CMTR2: variants seen among roughly 807,000 people sequenced by gnomAD.
CMTR2 encodes the protein cap methyltransferase 2, also known as cap-specific mRNA (nucleoside-2'-O-)-methyltransferase 2.
CMTR2 carries 40 observed loss-of-function variants against 49.8 expected under a neutral mutation model. That is an observed-to-expected ratio of 0.80 (90% CI 0.62 to 1.04). The LOEUF (loss-of-function observed/expected upper bound fraction) is 1.04. Among genes scored for constraint, CMTR2 ranks in the 50% least tolerant of loss-of-function variants. The pLI is 0.00. For missense variants in CMTR2, 907 were observed against 897.2 expected (o/e 1.01, Z -0.14); for synonymous variants, 326 against 315.8 (o/e 1.03, Z -0.34).
rs1403676196 is a variant in CMTR2, at chr16:71,283,980, T to G, written c.1941A>C (p.Val647=). The G allele has an allele frequency of 1.2e-6, 2 of 1,614,034 alleles. No individual in the cohort carries two copies. The highest frequency in any genetic ancestry group is 1.7e-6 in the Non-Finnish European group (2 of 1,179,910). ...CCATAAATCTTGTGAAGCAAGAAAG[T>G]ACAGGCAAAATCATAACATCTCCTG... ...LHTGDVMILP[V]LSCFTRFMAG... is the part of the protein sequence containing the mutation. Residue 647 remains valine (V), a synonymous_variant, in exon 3 of 3, where the codon GTA becomes GTC. Coordinates refer to ENST00000434935, the MANE Select transcript of CMTR2 (RefSeq NM_018348.6).
chr16:71,284,591 A>C lies in CMTR2; in HGVS notation c.1330T>G (p.Tyr444Asp), dbSNP rs1378325378. The change falls in exon 3 of 3, where the codon TAT (tyrosine) becomes GAT (aspartate). Residue 444 changes from tyrosine (Y) to aspartate (D), a missense_variant. Transcript: ENST00000434935. Reference sequence around the variant, plus strand: ...GCTTCTAGCATCTTCCTTTCATTATAAGTTTTAAAATATTTGTTCCTCTGC... The same window carrying C: ...GCTTCTAGCATCTTCCTTTCATTATCAGTTTTAAAATATTTGTTCCTCTGC... ...FGQRNKYFKT[Y>D]NERKMLEALS... 2 of 1,613,680 alleles carry C rather than the reference A, an allele frequency of 1.2e-6. No individual in the cohort carries two copies. The highest frequency in any genetic ancestry group is 3.3e-5 in the Admixed American group (2 of 59,968).
Position 71,285,577 on chromosome 16 carries a change from C to G in CMTR2, c.344G>C (p.Trp115Ser). 2.5e-6 allele frequency: 4 copies of G among 1,614,050 alleles called. No individual in the cohort carries two copies. The highest frequency in any genetic ancestry group is 3.4e-6 in the Non-Finnish European group (4 of 1,179,988). ...SVNAELCTQA[W>S]CKFHEILCSF... ...GCACAAAATCTCATGGAACTTACACCATGCTTGAGTACAAAGTTCAGCATT... is the reference window on the plus strand; with the variant it reads ...GCACAAAATCTCATGGAACTTACACGATGCTTGAGTACAAAGTTCAGCATT... Residue 115 changes from tryptophan (W) to serine (S), a missense_variant, in exon 3 of 3, where the codon TGG becomes TCG. By Grantham distance (177) the Trp-to-Ser change is radical (BLOSUM62 -3). Coordinates refer to ENST00000434935, the MANE Select transcript of CMTR2 (RefSeq NM_018348.6).
At position 71,284,031 on chromosome 16, in the gene CMTR2, A is replaced by C; in HGVS notation, c.1890T>G (p.Leu630=). The C allele has an allele frequency of 1.2e-6, 2 of 1,614,086 alleles. No homozygotes were observed. The highest frequency in any genetic ancestry group is 1.7e-6 in the Non-Finnish European group (2 of 1,179,924). The change falls in exon 3 of 3, where the codon CTT becomes CTG. Residue 630 remains leucine, a synonymous_variant. Coordinates refer to ENST00000434935, the MANE Select transcript of CMTR2 (RefSeq NM_018348.6). Reference sequence around the variant, plus strand: ...TATGAAGCTCCCGCAATGAATGTAGAAGGCAGTCCAAAAATAAACGCTGGT... The same window carrying C: ...TATGAAGCTCCCGCAATGAATGTAGCAGGCAGTCCAAAAATAAACGCTGGT... ...PTYQRLFLDC[L]LHSLRELHTG...
rs767207236 is a variant in CMTR2, at chr16:71,285,102, A to T, written c.819T>A (p.Val273=). The T allele has an allele frequency of 3.1e-6, 5 of 1,614,162 alleles. No homozygotes were observed. In the South Asian group the frequency reaches 5.5e-5, roughly 18 times the overall value. ...LTTLGNGGSF[V]LKMFTMFEHC... Reference sequence around the variant, plus strand: ...GTTCAAACATAGTAAACATCTTTAGAACAAAAGAGCCACCGTTTCCAAGAG... The same window carrying T: ...GTTCAAACATAGTAAACATCTTTAGTACAAAAGAGCCACCGTTTCCAAGAG... Residue 273 remains valine, a synonymous_variant, in exon 3 of 3, where the codon GTT becomes GTA. Transcript: ENST00000434935.
rs1163859689 is a variant in CMTR2, at chr16:71,283,514, CA to C, written c.*93del. 24 of 1,422,764 alleles carry C rather than the reference CA, an allele frequency of 1.7e-5. No homozygotes were observed. The highest frequency in any genetic ancestry group is 2.2e-5 in the Non-Finnish European group (24 of 1,066,698). The allele number at this position is 1,422,764 out of a possible 1,614,324, so 88.1% of individuals were successfully genotyped here. A position where few individuals can be genotyped will look rare whatever the true frequency, so the allele number is the denominator to read the frequency against. On this transcript the variant is annotated 3_prime_UTR_variant, in exon 3 of 3. Transcript: ENST00000434935. ...AATGATGCAAATGTTGGCCTTTCCC[CA>C]AAATAAAAGGTTTTTAAATTAATAG...
rs1313128572 is a variant in CMTR2, at chr16:71,281,617, A to G, written c.*1991T>C. The G allele has an allele frequency of 6.6e-6, 1 of 151,978 alleles. No individual in the cohort carries two copies. Among genetic ancestry groups the G allele is most frequent in the Non-Finnish European group, 1.5e-5 (1 of 67,850 alleles). 9.4% of individuals were successfully genotyped at this position (151,978 alleles called of 1,614,324 possible). A position where few individuals can be genotyped will look rare whatever the true frequency, so the allele number is the denominator to read the frequency against. ...GTCATCTATTAATATATCCAGTTCAATCTGAACCTTCCTCAAGTCATGTCT... is the reference window on the plus strand; with the variant it reads ...GTCATCTATTAATATATCCAGTTCAGTCTGAACCTTCCTCAAGTCATGTCT... On this transcript the variant is annotated 3_prime_UTR_variant, in exon 3 of 3. Coordinates refer to ENST00000434935, the MANE Select transcript of CMTR2 (RefSeq NM_018348.6).
At position 71,288,891 on chromosome 16, in the gene CMTR2, C is replaced by T. The variant is rs909115189; in HGVS notation, c.-33G>A. On this transcript the variant is annotated 5_prime_UTR_variant, in exon 2 of 3. The change creates a new upstream start codon in the 5' untranslated region. Transcript: ENST00000434935. ...AACAGTTTTTACCTCACAGCTGACA[C>T]TTATAAAGGAGTTCCAAGTGCTTCC... 3 of 152,258 alleles carry T rather than the reference C, an allele frequency of 2.0e-5. No homozygotes were observed. The highest frequency in any genetic ancestry group is 7.2e-5 in the African/African-American group (3 of 41,464). The allele number at this position is 152,258 out of a possible 1,614,324, so 9.4% of individuals were successfully genotyped here. A position where few individuals can be genotyped will look rare whatever the true frequency, so the allele number is the denominator to read the frequency against.
At position 71,283,501 on chromosome 16, in the gene CMTR2, G is replaced by T; in HGVS notation, c.*107C>A. The T allele has an allele frequency of 7.8e-7, 1 of 1,289,088 alleles. No homozygotes were observed. Among genetic ancestry groups the T allele is most frequent in the Non-Finnish European group, 1.1e-6 (1 of 949,646 alleles). 79.9% of individuals were successfully genotyped at this position (1,289,088 alleles called of 1,614,324 possible). A position where few individuals can be genotyped will look rare whatever the true frequency, so the allele number is the denominator to read the frequency against. The stretch of plus-strand genomic sequence containing the variant: ...TAATGAGACTTTGAATGATGCAAAT[G>T]TTGGCCTTTCCCCAAAATAAAAGGT... On this transcript the variant is annotated 3_prime_UTR_variant, in exon 3 of 3. Coordinates refer to ENST00000434935, the MANE Select transcript of CMTR2 (RefSeq NM_018348.6).
At position 71,283,772 on chromosome 16, in the gene CMTR2, A is replaced by G; in HGVS notation, c.2149T>C (p.Ser717Pro). The change falls in exon 3 of 3, where the codon TCA (serine) becomes CCA (proline). Residue 717 changes from serine (S) to proline (P), a missense_variant. Coordinates refer to ENST00000434935, the MANE Select transcript of CMTR2 (RefSeq NM_018348.6). Reference protein sequence around the residue: ...ELLSTLLNSDSPQQVLQFVPM... With the variant: ...ELLSTLLNSDPPQQVLQFVPM... Reference sequence around the variant, plus strand: ...ACAAACTGTAAAACCTGCTGGGGTGAGTCAGAGTTGAGCAAAGTGCTCAAC... The same window carrying G: ...ACAAACTGTAAAACCTGCTGGGGTGGGTCAGAGTTGAGCAAAGTGCTCAAC... 6.2e-7 allele frequency: 1 copy of G among 1,614,000 alleles called. No individual in the cohort carries two copies. Among genetic ancestry groups the G allele is most frequent in the Non-Finnish European group, 8.5e-7 (1 of 1,179,922 alleles).
At position 71,285,590 on chromosome 16, in the gene CMTR2, A is replaced by T. The variant is rs775217305; in HGVS notation, c.331T>A (p.Cys111Ser). 4 of 1,614,146 alleles carry T rather than the reference A, an allele frequency of 2.5e-6. No homozygotes were observed. In the South Asian group the frequency reaches 4.4e-5, roughly 18 times the overall value. Reference protein sequence around the residue: ...HVRKSVNAELCTQAWCKFHEI... With the variant: ...HVRKSVNAELSTQAWCKFHEI... ...TGGAACTTACACCATGCTTGAGTAC[A>T]AAGTTCAGCATTCACAGATTTTCTA... is the stretch of plus-strand genomic sequence containing the variant. The change falls in exon 3 of 3, where the codon TGT becomes AGT. Residue 111 changes from cysteine (C) to serine (S), a missense_variant. Transcript: ENST00000434935.
chr16:71,283,602 A>T lies in CMTR2; in HGVS notation c.*6T>A. The T allele has an allele frequency of 1.9e-6, 3 of 1,600,910 alleles. No individual in the cohort carries two copies. The highest frequency in any genetic ancestry group is 2.6e-6 in the Non-Finnish European group (3 of 1,174,498). On this transcript the variant is annotated 3_prime_UTR_variant, in exon 3 of 3. Coordinates refer to ENST00000434935, the MANE Select transcript of CMTR2 (RefSeq NM_018348.6). ...ATCATAAAGTTGAATCTCAGAAAGC[A>T]TATGTTCAGTTTTGTAACTGAAGGC... is the stretch of plus-strand genomic sequence containing the variant.
Position 71,285,866 on chromosome 16 carries a change from T to C in CMTR2, c.55A>G (p.Ser19Gly). Residue 19 changes from serine (S) to glycine (G), a missense_variant, in exon 3 of 3, where the codon AGC (serine) becomes GGC (glycine). Transcript: ENST00000434935. ...VQQLASPASF[S>G]PDILADIFEL... is the part of the protein sequence containing the mutation. ...AAAATGTCAGCAAGAATATCTGGGCTGAATGACGCGGGACTTGCTAGCTGC... is the reference window on the plus strand; with the variant it reads ...AAAATGTCAGCAAGAATATCTGGGCCGAATGACGCGGGACTTGCTAGCTGC... The C allele has an allele frequency of 6.2e-7, 1 of 1,613,006 alleles. No individual in the cohort carries two copies. The highest frequency in any genetic ancestry group is 8.5e-7 in the Non-Finnish European group (1 of 1,179,580).
At chr16:71,286,220 AT>A (rs1218605993) in intron 2 of CMTR2, among the ~76,000 whole-genome samples, 1 of 149,794 alleles carries the variant, frequency 6.7e-6, no homozygotes, top group African/African-American at 2.5e-5. Context: ...AAAGCCTATC[AT>A]TTTTTAAGAA....
chr16:71,283,997 C>A lies in CMTR2; in HGVS notation c.1924G>T (p.Val642Phe). ...CAAGAAAGTACAGGCAAAATCATAACATCTCCTGTATGAAGCTCCCGCAAT... is the reference window on the plus strand; with the variant it reads ...CAAGAAAGTACAGGCAAAATCATAAAATCTCCTGTATGAAGCTCCCGCAAT... Reference protein sequence around the residue: ...HSLRELHTGDVMILPVLSCFT... With the variant: ...HSLRELHTGDFMILPVLSCFT... Residue 642 changes from valine to phenylalanine, a missense_variant, in exon 3 of 3, where the codon GTT becomes TTT. Val to Phe is a conservative substitution (Grantham distance 50). Coordinates refer to ENST00000434935, the MANE Select transcript of CMTR2 (RefSeq NM_018348.6). The A allele has an allele frequency of 6.2e-7, 1 of 1,613,858 alleles. No homozygotes were observed. The highest frequency in any genetic ancestry group is 8.5e-7 in the Non-Finnish European group (1 of 1,179,780).
Position 71,283,758 on chromosome 16 carries a change from A to C in CMTR2, c.2163T>G (p.Val721=). 2 of 1,614,004 alleles carry C rather than the reference A, an allele frequency of 1.2e-6. No homozygotes were observed. The highest frequency in any genetic ancestry group is 1.7e-6 in the Non-Finnish European group (2 of 1,179,908). Residue 721 remains valine (V), a synonymous_variant, in exon 3 of 3, where the codon GTT becomes GTG. Transcript: ENST00000434935. ...TLLNSDSPQQ[V]LQFVPMEVLL... The stretch of plus-strand genomic sequence containing the variant: ...GTACCTCCATTGGCACAAACTGTAA[A>C]ACCTGCTGGGGTGAGTCAGAGTTGA...
Position 71,284,252 on chromosome 16 carries a change from A to T in CMTR2, c.1669T>A (p.Ser557Thr). 1.2e-6 allele frequency: 2 copies of T among 1,614,082 alleles called. No homozygotes were observed. The highest frequency in any genetic ancestry group is 1.7e-5 in the Admixed American group (1 of 60,010). Residue 557 changes from serine (S) to threonine (T), a missense_variant, in exon 3 of 3, where the codon TCC (serine) becomes ACC (threonine). Transcript: ENST00000434935. ...CACTCAGTAAGGCTACACAACTCGG[A>T]AAATATCAGTTCTTCAGAAAAAACA... ...CHVFSEELIFSELCSLTECLQ... is the reference protein window; with the variant it reads ...CHVFSEELIFTELCSLTECLQ...
chr16:71,283,337 C>T lies in CMTR2; in HGVS notation c.*271G>A. The T allele has an allele frequency of 5.3e-6, 2 of 380,728 alleles. No individual in the cohort carries two copies. The highest frequency in any genetic ancestry group is 9.4e-6 in the Non-Finnish European group (2 of 212,650). 23.6% of individuals were successfully genotyped at this position (380,728 alleles called of 1,614,324 possible). On this transcript the variant is annotated 3_prime_UTR_variant, in exon 3 of 3. Coordinates refer to ENST00000434935, the MANE Select transcript of CMTR2 (RefSeq NM_018348.6). The stretch of plus-strand genomic sequence containing the variant: ...AACTAAATGGCATAGGTAAGCATGG[C>T]TGTGGCCACCCATACACATACACAC...
Position 71,281,756 on chromosome 16 carries a change from T to C in CMTR2, c.*1852A>G, listed in dbSNP as rs1245450297. ...TCAGTGTTATATATTCCAGTACAGA[T>C]TAGTGTCAACAAAACACTAAGCATT... On this transcript the variant is annotated 3_prime_UTR_variant, in exon 3 of 3. Transcript: ENST00000434935. The C allele has an allele frequency of 6.6e-6, 1 of 151,988 alleles. No homozygotes were observed. The highest frequency in any genetic ancestry group is 1.5e-5 in the Non-Finnish European group (1 of 67,860). 9.4% of individuals were successfully genotyped at this position (151,988 alleles called of 1,614,324 possible).
chr16:71,282,912 T>G lies in CMTR2; in HGVS notation c.*696A>C, dbSNP rs535648520. Reference sequence around the variant, plus strand: ...AAATAATTTTTCATTGTTCTAAACATGATCTTTGGTTTAAAGCTGTCCCGT... The same window carrying G: ...AAATAATTTTTCATTGTTCTAAACAGGATCTTTGGTTTAAAGCTGTCCCGT... On this transcript the variant is annotated 3_prime_UTR_variant, in exon 3 of 3. Coordinates refer to ENST00000434935, the MANE Select transcript of CMTR2 (RefSeq NM_018348.6). 1 of 152,740 alleles carries G rather than the reference T, an allele frequency of 6.5e-6. No homozygotes were observed. Among genetic ancestry groups the G allele is most frequent in the South Asian group, 2.1e-4 (1 of 4,826 alleles). 9.5% of individuals were successfully genotyped at this position (152,740 alleles called of 1,614,324 possible). A position where few individuals can be genotyped will look rare whatever the true frequency, so the allele number is the denominator to read the frequency against.
Sources: allele counts gnomAD v4.1 joint callset (sites outside exome capture counted in the v4.1 genomes callset), GRCh38; gene constraint gnomAD v4.1.1; transcripts MANE v1.5; gene names NCBI Gene and HGNC (gene_info 2026-07-23, HGNC 2026-07-21).